NAA11: variants seen among roughly 807,000 people sequenced by gnomAD.
NAA11 encodes N-alpha-acetyltransferase 11, NatA catalytic subunit, also known as N-alpha-acetyltransferase 11.
NAA11 carries 15 observed loss-of-function variants against 16.1 expected under a neutral mutation model. That is an observed-to-expected ratio of 0.93 (90% CI 0.62 to 1.44). The LOEUF (loss-of-function observed/expected upper bound fraction) is 1.44. Ranked by LOEUF, NAA11 falls within the 40% of genes most tolerant of loss-of-function variation. The pLI, the probability that NAA11 is intolerant of heterozygous loss-of-function variation, is 0.00. For synonymous variants in NAA11, 122 were observed against 112.4 expected, an observed-to-expected ratio of 1.09 and a Z score of -0.54; for missense variants, 298 against 291.3, an observed-to-expected ratio of 1.02 and a Z score of -0.17.
At chr4:79,232,696 G>A (rs1290687340) in intron 2 of NAA11, among the ~76,000 whole-genome samples, 1 of 151,904 alleles carries the variant, frequency 6.6e-6, no homozygotes, top group Non-Finnish European at 1.5e-5. Context: ...GTTCATGAGG[G>A]ATAACATCTG....
chr4:79,160,399 G>C, the NAA11 span, among the ~76,000 whole-genome samples: 1 of 152,170 alleles, frequency 6.6e-6, no homozygotes, highest in Non-Finnish European at 1.5e-5. Context: ...ATTAAGAGTT[G>C]AGTTGCTAGG....
the NAA11 span, among the ~76,000 whole-genome samples, chr4:79,215,341 G>A: frequency 3.9e-5 from 6 of 152,096 alleles, no homozygotes; most frequent in African/African-American, 1.4e-4. Flanking sequence ...TTTCCTTACT[G>A]GAAGTTCTCA....
chr4:79,268,866 C>A (rs571400870), intron 2 of NAA11, among the ~76,000 whole-genome samples: 1,106 of 109,246 alleles, frequency 0.01, 24 homozygotes, highest in African/African-American at 0.037. Flanking sequence ...CCCACCCCAC[C>A]ACAGTCCCCA....
At chr4:79,190,797 T>C in the NAA11 span, among the ~76,000 whole-genome samples, 6 of 152,276 alleles carry the variant, frequency 3.9e-5, no homozygotes, top group African/African-American at 1.2e-4. Context: ...TCAATAGTTA[T>C]CTTTTATGCT....
the NAA11 span, among the ~76,000 whole-genome samples, chr4:79,192,662 A>G: frequency 1.3e-5 from 2 of 151,902 alleles, no homozygotes; most frequent in African/African-American, 4.8e-5. Context: ...AGTCTTTGCT[A>G]TTGTGAATAG....
chr4:79,244,605 T>C (rs1368964838), intron 2 of NAA11: 1 of 121,928 alleles, frequency 8.2e-6, no homozygotes, highest in Non-Finnish European at 1.8e-5. Flanking sequence ...AGAATTTGAG[T>C]CTCACTCTCC....
At chr4:79,280,342 G>A (rs1028719114) in intron 2 of NAA11, among the ~76,000 whole-genome samples, 8 of 152,062 alleles carry the variant, frequency 5.3e-5, no homozygotes, top group African/African-American at 1.9e-4. Context: ...TGGGCATGCA[G>A]CCCGGTCCAG....
At chr4:79,225,355 C>G (rs934522766), downstream of NAA11, among the ~76,000 whole-genome samples, 1 of 152,022 alleles carries the variant, frequency 6.6e-6, no homozygotes, top group African/African-American at 2.4e-5. Context: ...ACTTTAAGAG[C>G]TGTGATTTTT....
At chr4:79,236,140 T>A (rs1451183090) in intron 2 of NAA11, among the ~76,000 whole-genome samples, 1 of 152,166 alleles carries the variant, frequency 6.6e-6, no homozygotes, top group Non-Finnish European at 1.5e-5. Flanking sequence ...AAATGTATAT[T>A]TCTTTGGTTA....
At chr4:79,285,903 AT>A (rs1020702076) in intron 2 of NAA11, among the ~76,000 whole-genome samples, 7 of 152,058 alleles carry the variant, frequency 4.6e-5, no homozygotes, top group East Asian at 1.9e-4. Flanking sequence ...CAAATATTCC[AT>A]TTTTTTCTCC....
At chr4:79,214,648 A>T in the NAA11 span, among the ~76,000 whole-genome samples, 1 of 152,042 alleles carries the variant, frequency 6.6e-6, no homozygotes, top group African/African-American at 2.4e-5. Context: ...AAATACAAAA[A>T]ATTAGCTGGG....
At chr4:79,290,233 G>A (rs1723048656) in intron 2 of NAA11, among the ~76,000 whole-genome samples, 2 of 152,138 alleles carry the variant, frequency 1.3e-5, no homozygotes, top group African/African-American at 2.4e-5. Flanking sequence ...ACAGTTGTGG[G>A]AGGGTTAGGA....
chr4:79,250,539 C>T (rs1442561507), intron 2 of NAA11, among the ~76,000 whole-genome samples: 1 of 152,112 alleles, frequency 6.6e-6, no homozygotes, highest in Non-Finnish European at 1.5e-5. Flanking sequence ...TGGAAGGTAA[C>T]CTAGGATATA....
At chr4:79,193,261 G>A in the NAA11 span, among the ~76,000 whole-genome samples, 1 of 152,242 alleles carries the variant, frequency 6.6e-6, no homozygotes, top group South Asian at 2.1e-4. Context: ...GGCTTTTGTT[G>A]CCATTGCTTT....
intron 2 of NAA11, among the ~76,000 whole-genome samples, chr4:79,239,511 C>T (rs1248184065): frequency 1.3e-5 from 2 of 152,060 alleles, no homozygotes; most frequent in East Asian, 3.9e-4. Context: ...GACCAGCCGG[C>T]CAACGTGGCA....
At chr4:79,260,494 G>A (rs966911714) in intron 2 of NAA11, among the ~76,000 whole-genome samples, 3 of 152,148 alleles carry the variant, frequency 2.0e-5, no homozygotes, top group African/African-American at 7.2e-5. Flanking sequence ...GTAGGGAAGG[G>A]TAGGATGGAT....
At chr4:79,227,472 G>A (rs1408096681) in intron 2 of NAA11, 1 of 151,956 alleles carries the variant, frequency 6.6e-6, no homozygotes, top group Non-Finnish European at 1.5e-5. Context: ...GATGGATTTT[G>A]TAAGCCTACC....
In NAA11 at chr4:79,241,945, C is replaced by T. The variant is rs971611274; in HGVS notation, c.*123-15675G>A. On this transcript the variant is annotated intron_variant and NMD_transcript_variant, in intron 2 of 2. Coordinates refer to the NAA11 transcript ENST00000511542. Reference sequence around the variant, plus strand: ...GAGATGGAACCTATAAGCATTTATCCTTTGTAGTTGGCATGATGTTAAACA... The same window carrying T: ...GAGATGGAACCTATAAGCATTTATCTTTTGTAGTTGGCATGATGTTAAACA... 2.0e-5 allele frequency among the ~76,000 whole-genome samples: 3 copies of T among 152,158 alleles called. No individual in the cohort carries two copies. In the South Asian group the frequency reaches 6.2e-4, roughly 32 times the overall value.
chr4:79,248,069 A>T (rs776098798), intron 2 of NAA11, among the ~76,000 whole-genome samples: 26 of 152,260 alleles, frequency 1.7e-4, no homozygotes, highest in Non-Finnish European at 3.2e-4. Context: ...CTATGAGATG[A>T]GGCCAGTCTG....
Sources: allele counts gnomAD v4.1 joint callset (sites outside exome capture counted in the v4.1 genomes callset), GRCh38; gene constraint gnomAD v4.1.1; transcripts MANE v1.5; gene names NCBI Gene and HGNC (gene_info 2026-07-23, HGNC 2026-07-21).